Variants in UMODL1 observed in about 807,000 individuals in gnomAD.
The protein encoded by UMODL1 is uromodulin like 1.
UMODL1 carries 128 observed loss-of-function variants against 136.3 expected under a neutral mutation model. The ratio of observed to expected loss-of-function variants is 0.94; its 90% CI spans 0.81 to 1.09. The LOEUF (loss-of-function observed/expected upper bound fraction) is 1.09. Ranked by LOEUF, UMODL1 falls within the 50% of genes least tolerant of loss-of-function variation. The pLI, the probability that UMODL1 is intolerant of heterozygous loss-of-function variation, is 0.00. For synonymous variants in UMODL1, 721 were observed against 720.0 expected, an observed-to-expected ratio of 1.00 and a Z score of -0.02; for missense variants, 1,766 against 1,725.6, an observed-to-expected ratio of 1.02 and a Z score of -0.41.
chr21:42,077,017 GTGT>G (rs1473575539), intron 2 of UMODL1, among the ~76,000 whole-genome samples: 1 of 109,594 alleles, frequency 9.1e-6, no homozygotes, highest in Non-Finnish European at 1.7e-5. Context: ...GTGTGTGTGT[GTGT>G]GTGTGTGTGT....
intron 22 of UMODL1, among the ~76,000 whole-genome samples, chr21:42,141,307 G>T (rs1306474345): frequency 6.6e-6 from 1 of 152,192 alleles, no homozygotes; most frequent in African/African-American, 2.4e-5. Context: ...GGATGCTTGT[G>T]TTAGCTTTGT....
At chr21:42,112,623 A>C (rs2066850339) in intron 12 of UMODL1, among the ~76,000 whole-genome samples, 1 of 140,514 alleles carries the variant, frequency 7.1e-6, no homozygotes. Context: ...GTATCTCCCC[A>C]CTGTTCTGCA....
intron 22 of UMODL1, among the ~76,000 whole-genome samples, chr21:42,140,220 G>A (rs569541502): frequency 3.3e-5 from 5 of 152,316 alleles, no homozygotes; most frequent in Admixed American, 6.5e-5. Context: ...AATGTCTGTT[G>A]TTTCCCAACA....
exon 1 of UMODL1, chr21:42,063,096 A>T (rs1002074449): frequency 2.0e-5 from 3 of 152,398 alleles, no homozygotes; most frequent in Admixed American, 2.0e-4. Flanking sequence ...GCTTCCCTCC[A>T]TGCACCTCAA....
chr21:42,099,077 G>A lies in UMODL1; in HGVS notation c.1083G>A (p.Gln361=). 6 of 1,614,222 alleles carry A rather than the reference G, an allele frequency of 3.7e-6. No individual in the cohort carries two copies. Among genetic ancestry groups the A allele is most frequent in the Non-Finnish European group, 4.2e-6 (5 of 1,180,042 alleles). The change falls in exon 7 of 23, where the codon CAG becomes CAA. Residue 361 remains glutamine (Q), a synonymous_variant. Transcript: ENST00000408910. This position sits in a 1 kb window ranked among gnomAD's most constrained non-coding sequence, Gnocchi z 4.1. The stretch of plus-strand genomic sequence containing the variant: ...TCAGGAGCGCCAGGACACAGAGCCA[G>A]GCACTGGCAGTGGCTGGGCTGGAGG... ...ELLRSARTQS[Q]ALAVAGLEAG...
At chr21:42,124,740 C>T (rs1331429253) in intron 17 of UMODL1, among the ~76,000 whole-genome samples, 2 of 151,914 alleles carry the variant, frequency 1.3e-5, no homozygotes, top group Non-Finnish European at 2.9e-5. Flanking sequence ...GAACTCTGGG[C>T]CCTGGGCTTC....
chr21:42,111,738 C>T (rs220131), intron 12 of UMODL1, 28 bp downstream of exon 12: 789,244 of 1,579,198 alleles, frequency 0.5, 201,737 homozygotes, highest in Non-Finnish European at 0.53. Context: ...TGCATGGGGA[C>T]TAGGACTAAT....
chr21:42,139,635 G>A (rs1295100026), intron 22 of UMODL1, among the ~76,000 whole-genome samples: 1 of 152,182 alleles, frequency 6.6e-6, no homozygotes, highest in Admixed American at 6.5e-5. Context: ...CAAGGAGGGG[G>A]ACATCCAGCA....
intron 6 of UMODL1, chr21:42,093,641 A>T (rs911510155): frequency 1.9e-5 from 5 of 260,484 alleles, no homozygotes; most frequent in Non-Finnish European, 2.3e-5. Context: ...ATCACCAGGA[A>T]CGTTCCCCTC....
At chr21:42,102,338 A>G in intron 8 of UMODL1, 60 bp downstream of exon 8, 5 of 1,259,044 alleles carry the variant, frequency 4.0e-6, no homozygotes, top group Non-Finnish European at 5.7e-6. Flanking sequence ...GACATCAAAC[A>G]CAAGCCGTTA....
chr21:42,109,585 G>A lies in UMODL1; in HGVS notation c.1543G>A (p.Ala515Thr), dbSNP rs750200362. Residue 515 changes from alanine (A) to threonine (T), a missense_variant, in exon 10 of 23, where the codon GCG becomes ACG. By Grantham distance (58) the Ala-to-Thr change is moderately conservative. Coordinates refer to ENST00000408910, the MANE Select transcript of UMODL1 (RefSeq NM_001004416.3). ...AGACTGGGACGAGTGTGTGGACAGC[G>A]CGGAACACGACTGCTCACCGGCTGC... is the stretch of plus-strand genomic sequence containing the variant. ...VQDWDECVDS[A>T]EHDCSPAAWC... 1.4e-5 allele frequency: 23 copies of A among 1,611,580 alleles called. No individual in the cohort carries two copies. Among genetic ancestry groups the A allele is most frequent in the South Asian group, 5.5e-5 (5 of 91,086 alleles).
intron 6 of UMODL1, among the ~76,000 whole-genome samples, chr21:42,095,490 C>T (rs2066547338): frequency 6.6e-6 from 1 of 151,318 alleles, no homozygotes; most frequent in Non-Finnish European, 1.5e-5. Flanking sequence ...GTGTATAAAT[C>T]CCCCCGATTC....
chr21:42,073,236 C>T (rs368416376), intron 1 of UMODL1, among the ~76,000 whole-genome samples: 3 of 152,226 alleles, frequency 2.0e-5, no homozygotes, highest in African/African-American at 4.8e-5. Flanking sequence ...AGGAAGTCCT[C>T]GGCCTTTGCC....
rs1392158267 is a variant in UMODL1, at chr21:42,127,776, A to C, written c.3635A>C (p.Tyr1212Ser). The C allele has an allele frequency of 6.2e-7, 1 of 1,614,158 alleles. No homozygotes were observed. Among genetic ancestry groups the C allele is most frequent in the Non-Finnish European group, 8.5e-7 (1 of 1,180,036 alleles). The change falls in exon 20 of 23, where the codon TAC becomes TCC. Residue 1212 changes from tyrosine (Y) to serine (S), a missense_variant. Coordinates refer to ENST00000408910, the MANE Select transcript of UMODL1 (RefSeq NM_001004416.3). ...TCCTTTATCAACGACTCCATCGTCT[A>C]CCTGCACTGCAAACTCCGCGTCTGC... The part of the protein sequence containing the change: ...IFSFINDSIV[Y>S]LHCKLRVCME...
intron 9 of UMODL1, among the ~76,000 whole-genome samples, chr21:42,108,795 A>T (rs2066762118): frequency 1.0e-5 from 1 of 95,974 alleles, no homozygotes; most frequent in Non-Finnish European, 2.1e-5. Flanking sequence ...GCACAGGAGG[A>T]GGGACATACC....
intron 9 of UMODL1, among the ~76,000 whole-genome samples, chr21:42,109,311 C>A (rs1156408592): frequency 6.6e-6 from 1 of 152,172 alleles, no homozygotes; most frequent in Admixed American, 6.5e-5. Flanking sequence ...TACATGCACA[C>A]CCATGGGTGC....
In UMODL1 at chr21:42,123,269, G is replaced by A. The variant is rs946531255; in HGVS notation, c.3147+119G>A. The A allele has an allele frequency of 2.5e-6, 3 of 1,204,528 alleles. No homozygotes were observed. The highest frequency in any genetic ancestry group is 3.4e-6 in the Non-Finnish European group (3 of 880,504). 74.6% of individuals were successfully genotyped at this position (1,204,528 alleles called of 1,614,324 possible). A position where few individuals can be genotyped will look rare whatever the true frequency, so the allele number is the denominator to read the frequency against. ...TGCACCCCGAGGGGAACCCAGCAAG[G>A]GGGGTTCAGGACAGGGTTGAGTTCT... On this transcript the variant is annotated intron_variant, in intron 17 of 22. Transcript: ENST00000408910. This position sits in a 1 kb window ranked among gnomAD's most constrained non-coding sequence, Gnocchi z 4.4.
At chr21:42,134,124 T>C (rs1221610662) in intron 21 of UMODL1, among the ~76,000 whole-genome samples, 1 of 152,242 alleles carries the variant, frequency 6.6e-6, no homozygotes, top group Non-Finnish European at 1.5e-5. Context: ...TTTCACCATG[T>C]TGGCCAGGAT....
intron 22 of UMODL1, among the ~76,000 whole-genome samples, chr21:42,140,444 G>T (rs56184115): frequency 0.18 from 27,960 of 151,302 alleles, 2,641 homozygotes; most frequent in South Asian, 0.31. Context: ...GGCCTCCCAG[G>T]TCACATGGCT....
Sources: gnomAD v4.1 joint callset for allele counts (sites outside exome capture counted in the v4.1 genomes callset) on GRCh38, gnomAD v4.1.1 for gene constraint, Gnocchi (gnomAD v3.1) non-coding constraint, MANE v1.5 for transcripts, NCBI Gene and HGNC (gene_info 2026-07-23, HGNC 2026-07-21) for gene names.